The following MPPED2 variants were observed in gnomAD, a reference collection of about 807,000 sequenced individuals.
MPPED2 encodes the protein metallophosphoesterase domain containing 2.
A neutral mutation model predicts 33.0 loss-of-function variants in MPPED2; 5 were observed. The ratio of observed to expected loss-of-function variants is 0.15; its 90% CI spans 0.08 to 0.32. The LOEUF is 0.32. MPPED2 is among the 10% of genes least tolerant of loss of function. MPPED2 has a pLI of 1.00. For synonymous variants in MPPED2, 136 were observed against 141.9 expected, an observed-to-expected ratio of 0.96 and a Z score of 0.29; for missense variants, 275 against 372.1, an observed-to-expected ratio of 0.74 and a Z score of 2.15.
chr11:30,438,693 G>A (rs1949430717), intron 4 of MPPED2, among the ~76,000 whole-genome samples: 1 of 152,134 alleles, frequency 6.6e-6, no homozygotes. Context: ...TACTATTCTC[G>A]ATCCTATCTG....
intron 3 of MPPED2, among the ~76,000 whole-genome samples, chr11:30,516,622 T>A (rs1953548341): frequency 6.6e-6 from 1 of 152,150 alleles, no homozygotes; most frequent in Admixed American, 6.5e-5. Context: ...GTAATTGCCA[T>A]CAGATGTGGG....
chr11:30,405,755 C>T (rs544833104), downstream of MPPED2, among the ~76,000 whole-genome samples: 1 of 152,252 alleles, frequency 6.6e-6, no homozygotes, highest in South Asian at 2.1e-4. Context: ...TTGCCCTCTG[C>T]CCCTGCCTTT....
intron 4 of MPPED2, among the ~76,000 whole-genome samples, chr11:30,456,056 A>G (rs1310034916): frequency 1.3e-5 from 2 of 152,220 alleles, no homozygotes; most frequent in Non-Finnish European, 2.9e-5. Flanking sequence ...CTCTGCAGAC[A>G]TGTCTTTATT....
At chr11:30,534,815 A>G in intron 3 of MPPED2, among the ~76,000 whole-genome samples, 1 of 152,228 alleles carries the variant, frequency 6.6e-6, no homozygotes, top group Middle Eastern at 3.2e-3. Flanking sequence ...CAGAGGAAAA[A>G]TTGTTATCAA....
chr11:30,490,850 C>G (rs41322848), intron 4 of MPPED2, among the ~76,000 whole-genome samples: 3,568 of 152,072 alleles, frequency 0.023, 70 homozygotes, highest in Admixed American at 0.057. Flanking sequence ...GTAGCTAGAC[C>G]AAGCCACAAT....
At chr11:30,468,507 A>T (rs1950815766) in intron 4 of MPPED2, among the ~76,000 whole-genome samples, 1 of 152,202 alleles carries the variant, frequency 6.6e-6, no homozygotes, top group African/African-American at 2.4e-5. Context: ...ATAAAATGGC[A>T]TTAAGGGAGA....
At chr11:30,449,586 T>G (rs983352310) in intron 4 of MPPED2, among the ~76,000 whole-genome samples, 2 of 150,472 alleles carry the variant, frequency 1.3e-5, no homozygotes. Context: ...GAGGCTGCAG[T>G]GAGCTATGAT....
intron 4 of MPPED2, among the ~76,000 whole-genome samples, chr11:30,473,118 T>A (rs902204141): frequency 2.6e-5 from 4 of 152,200 alleles, no homozygotes; most frequent in African/African-American, 9.6e-5. Flanking sequence ...TACATGGTAT[T>A]CTATCGTATG....
intron 2 of MPPED2, among the ~76,000 whole-genome samples, chr11:30,567,281 C>A (rs1020493663): frequency 3.9e-5 from 6 of 152,090 alleles, no homozygotes; most frequent in Non-Finnish European, 7.4e-5. Context: ...CAAAGGAAAT[C>A]ATTTTGCGAT....
intron 2 of MPPED2, among the ~76,000 whole-genome samples, chr11:30,575,439 T>C (rs1956888126): frequency 6.6e-6 from 1 of 152,184 alleles, no homozygotes; most frequent in Non-Finnish European, 1.5e-5. Context: ...ATTTTACAGA[T>C]GAGAAGACAG....
chr11:30,521,145 G>A (rs576989741), intron 3 of MPPED2, among the ~76,000 whole-genome samples: 21 of 152,176 alleles, frequency 1.4e-4, no homozygotes, highest in African/African-American at 5.1e-4. Context: ...TTTGGGGGGA[G>A]ATTTAGGAAA....
chr11:30,549,227 T>A (rs1403091905), intron 2 of MPPED2, among the ~76,000 whole-genome samples: 1 of 152,216 alleles, frequency 6.6e-6, no homozygotes, highest in East Asian at 1.9e-4. Context: ...ACGTAACTGC[T>A]TTCTTTCTGT....
At chr11:30,570,530 C>G (rs1956644011) in intron 2 of MPPED2, among the ~76,000 whole-genome samples, 1 of 152,086 alleles carries the variant, frequency 6.6e-6, no homozygotes, top group South Asian at 2.1e-4. Flanking sequence ...AAATCGAATA[C>G]AGTTTGATAG....
intron 3 of MPPED2, among the ~76,000 whole-genome samples, chr11:30,508,218 A>G (rs1952946828): frequency 6.6e-6 from 1 of 152,226 alleles, no homozygotes; most frequent in Non-Finnish European, 1.5e-5. Flanking sequence ...CCAAAGCAAG[A>G]CACAAAAATA....
intron 6 of MPPED2, among the ~76,000 whole-genome samples, chr11:30,394,473 G>A (rs1947816379): frequency 6.6e-6 from 1 of 152,026 alleles, no homozygotes; most frequent in Admixed American, 6.6e-5. Context: ...TTTTAATAGG[G>A]ATGTAATGTT....
At chr11:30,460,246 C>T (rs1950466189) in intron 4 of MPPED2, among the ~76,000 whole-genome samples, 1 of 152,162 alleles carries the variant, frequency 6.6e-6, no homozygotes, top group African/African-American at 2.4e-5. Context: ...TCTTTTGATA[C>T]ATTTCTGCTT....
intron 3 of MPPED2, among the ~76,000 whole-genome samples, chr11:30,534,152 C>G (rs1181664394): frequency 1.3e-5 from 2 of 152,172 alleles, no homozygotes; most frequent in African/African-American, 4.8e-5. Flanking sequence ...AGTGGCTAAA[C>G]AAGATTATAA....
At chr11:30,560,290 G>T (rs1174185133) in intron 2 of MPPED2, among the ~76,000 whole-genome samples, 3 of 150,978 alleles carry the variant, frequency 2.0e-5, no homozygotes, top group Admixed American at 2.0e-4. Context: ...TTGCTTAAAA[G>T]ATGACTAACA....
intron 4 of MPPED2, among the ~76,000 whole-genome samples, chr11:30,480,840 G>A (rs899601186): frequency 6.6e-6 from 1 of 152,020 alleles, no homozygotes; most frequent in Non-Finnish European, 1.5e-5. Flanking sequence ...TTTTTAAATG[G>A]TGATAATGAG....
Sources: allele counts gnomAD v4.1 joint callset (sites outside exome capture counted in the v4.1 genomes callset), GRCh38; gene constraint gnomAD v4.1.1; transcripts MANE v1.5; gene names NCBI Gene and HGNC (gene_info 2026-07-23, HGNC 2026-07-21).